The following PDHB variants were observed in gnomAD, a reference collection of about 807,000 sequenced individuals.
The protein encoded by PDHB is pyruvate dehydrogenase E1 subunit beta.
In PDHB, 17 loss-of-function variants were observed where a neutral mutation model predicts 42.8. The observed-to-expected ratio is 0.40, with a 90% confidence interval of 0.27 to 0.60. The LOEUF (loss-of-function observed/expected upper bound fraction) is 0.60, where lower values mean the gene tolerates loss of function less well. PDHB is among the 20% of genes least tolerant of loss of function. The probability of loss-of-function intolerance (pLI) is 0.46; values close to 1 mark genes in which losing one functional copy is unlikely to be tolerated. For synonymous variants in PDHB, 154 were observed against 148.7 expected (o/e 1.04, Z -0.26); for missense variants, 322 against 451.3 (o/e 0.71, Z 2.60).
In PDHB at chr3:58,427,671, C is replaced by A; in HGVS notation, c.*363G>T. On this transcript the variant is annotated 3_prime_UTR_variant, in exon 10 of 10. Coordinates refer to ENST00000302746, the MANE Select transcript of PDHB (RefSeq NM_000925.4). ...TTTATTCCTTATCAAAACAAACTAA[C>A]AGTAAATGTATATTATATGCTTTAA... 3 of 376,908 alleles carry A rather than the reference C, an allele frequency of 8.0e-6. No homozygotes were observed. Among genetic ancestry groups the A allele is most frequent in the South Asian group, 2.0e-5 (1 of 50,380 alleles). 23.3% of individuals were successfully genotyped at this position (376,908 alleles called of 1,614,324 possible).
intron 2 of PDHB, chr3:58,433,113 C>A: frequency 5.6e-6 from 1 of 178,578 alleles, no homozygotes; most frequent in South Asian, 1.2e-4. Context: ...CACAAAAGGA[C>A]AAATGATGCC....
In PDHB at chr3:58,428,566, C is replaced by A. The variant is rs148957406; in HGVS notation, c.841G>T (p.Ala281Ser). ...AGATGATTTGTCTTCATGACACTGG[C>A]TTCTATGGTTTCCATGTCCATTGGT... is the stretch of plus-strand genomic sequence containing the variant. ...IRPMDMETIE[A>S]SVMKTNHLVT... The change falls in exon 9 of 10, where the codon GCC becomes TCC. Residue 281 changes from alanine to serine, a missense_variant. Ala to Ser is a moderately conservative substitution (Grantham distance 99). Coordinates refer to ENST00000302746, the MANE Select transcript of PDHB (RefSeq NM_000925.4). 4.8e-5 allele frequency: 77 copies of A among 1,613,644 alleles called. No homozygotes were observed. The East Asian group carries it at 1.7e-3, about 35-fold the overall frequency.
intron 8 of PDHB, among the ~76,000 whole-genome samples, chr3:58,428,989 G>C (rs1205232119): frequency 6.6e-6 from 1 of 152,098 alleles, no homozygotes; most frequent in Non-Finnish European, 1.5e-5. Context: ...GGAGTAGCTG[G>C]GATTACAGGC....
Position 58,431,551 on chromosome 3 carries a change from A to G in PDHB, c.303+42T>C, listed in dbSNP as rs374999276. On this transcript the variant is annotated intron_variant, in intron 5 of 9. Transcript: ENST00000302746. This position sits in a 1 kb window ranked among gnomAD's most constrained non-coding sequence, Gnocchi z 4.4. ...GTCTCAAAAGAAAAAAAAAGAAAAC[A>G]AGAAATGTCTTTGGATAAGTTTCAT... 2.0e-6 allele frequency: 3 copies of G among 1,513,588 alleles called. No individual in the cohort carries two copies. The highest frequency in any genetic ancestry group is 1.7e-5 in the Admixed American group (1 of 59,742). 93.8% of individuals were successfully genotyped at this position (1,513,588 alleles called of 1,614,324 possible).
intron 2 of PDHB, chr3:58,433,108 A>C: frequency 5.7e-6 from 1 of 176,272 alleles, no homozygotes. Context: ...CCAGACACAA[A>C]AGGACAAATG....
intron 2 of PDHB, 25 bp from the exon 3 acceptor site, chr3:58,432,009 C>T: frequency 6.7e-7 from 1 of 1,497,350 alleles, no homozygotes; most frequent in Non-Finnish European, 9.3e-7. Context: ...CAAAAACAGT[C>T]AATACAGAAT....
Position 58,431,067 on chromosome 3 carries a change from C to T in PDHB, c.304-125G>A, listed in dbSNP as rs936848852. ...ATTTTTTATTTTTATTTTTTATGGACAGGGTCTCACTGTCACCCATGCTGG... is the reference window on the plus strand; with the variant it reads ...ATTTTTTATTTTTATTTTTTATGGATAGGGTCTCACTGTCACCCATGCTGG... On this transcript the variant is annotated intron_variant, in intron 5 of 9. Coordinates refer to ENST00000302746, the MANE Select transcript of PDHB (RefSeq NM_000925.4). This position sits in a 1 kb window ranked among gnomAD's most constrained non-coding sequence, Gnocchi z 4.4. 7.1e-6 allele frequency: 7 copies of T among 986,902 alleles called. No homozygotes were observed. The highest frequency in any genetic ancestry group is 9.3e-6 in the Non-Finnish European group (6 of 641,940). 61.1% of individuals were successfully genotyped at this position (986,902 alleles called of 1,614,324 possible). A position where few individuals can be genotyped will look rare whatever the true frequency, so the allele number is the denominator to read the frequency against.
chr3:58,429,791 T>C lies in PDHB; in HGVS notation c.709A>G (p.Ile237Val), dbSNP rs753206504. Residue 237 changes from isoleucine to valine, a missense_variant, in exon 8 of 10, where the codon ATA becomes GTA. By Grantham distance (29) the Ile-to-Val change is conservative. Transcript: ENST00000302746. ...KAKIERQGTH[I>V]TVVSHSRPVG... ...GGTCTTGAATGGGAAACCACAGTTATATGTGTTCCTGAAAACAGAGTGGTC... is the reference window on the plus strand; with the variant it reads ...GGTCTTGAATGGGAAACCACAGTTACATGTGTTCCTGAAAACAGAGTGGTC... The C allele has an allele frequency of 6.2e-6, 10 of 1,600,786 alleles. No individual in the cohort carries two copies. The highest frequency in any genetic ancestry group is 2.2e-5 in the South Asian group (2 of 90,842).
Position 58,430,805 on chromosome 3 carries a change from G to A in PDHB, c.441C>T (p.Pro147=). Residue 147 remains proline (P), a synonymous_variant, in exon 6 of 10, where the codon CCC becomes CCT. Transcript: ENST00000302746. ...LQPVPIVFRG[P]NGASAGVAAQ... The stretch of plus-strand genomic sequence containing the variant: ...CAGCTACACCTGCTGAGGCACCATT[G>A]GGCCCTCTGAAGACTATAGGCACAG... 2 of 1,614,172 alleles carry A rather than the reference G, an allele frequency of 1.2e-6. No homozygotes were observed. Among genetic ancestry groups the A allele is most frequent in the Non-Finnish European group, 1.7e-6 (2 of 1,179,996 alleles).
At position 58,433,616 on chromosome 3, in the gene PDHB, A is replaced by C. The variant is rs1227491179; in HGVS notation, c.96+15T>G. ...CCCTCCCCGCCCTCGTCCGACGAGCACCCGCGCCTGTTACCTGCAGCGCAG... is the reference window on the plus strand; with the variant it reads ...CCCTCCCCGCCCTCGTCCGACGAGCCCCCGCGCCTGTTACCTGCAGCGCAG... On this transcript the variant is annotated intron_variant, in intron 2 of 9. Transcript: ENST00000302746. 6.2e-7 allele frequency: 1 copy of C among 1,606,596 alleles called. No homozygotes were observed. The highest frequency in any genetic ancestry group is 8.5e-7 in the Non-Finnish European group (1 of 1,177,736).
rs1443227017 is a variant in PDHB, at chr3:58,433,810, C to T, written c.-1G>A. On this transcript the variant is annotated 5_prime_UTR_variant, in exon 1 of 10. Transcript: ENST00000302746. ...GCACCAAGCCAGACACCGCCGCCAT[C>T]TTGGTCGTGTCCTCTATCCGCTGCC... is the stretch of plus-strand genomic sequence containing the variant. The T allele has an allele frequency of 1.2e-6, 2 of 1,610,952 alleles. No individual in the cohort carries two copies. The highest frequency in any genetic ancestry group is 1.1e-5 in the South Asian group (1 of 90,614).
rs1396095575 is a variant in PDHB, at chr3:58,433,830, G to A, written c.-21C>T. 5 of 1,606,590 alleles carry A rather than the reference G, an allele frequency of 3.1e-6. No individual in the cohort carries two copies. The highest frequency in any genetic ancestry group is 2.5e-6 in the Non-Finnish European group (3 of 1,177,402). On this transcript the variant is annotated 5_prime_UTR_variant, in exon 1 of 10. Coordinates refer to ENST00000302746, the MANE Select transcript of PDHB (RefSeq NM_000925.4). ...GCCATCTTGGTCGTGTCCTCTATCC[G>A]CTGCCAAACGACAACAGAGGGGCCG...
At chr3:58,430,082 G>T (rs758817438) in intron 7 of PDHB, 46 bp downstream of exon 7, 2 of 1,170,012 alleles carry the variant, frequency 1.7e-6, no homozygotes, top group Non-Finnish European at 2.6e-6. Flanking sequence ...TACCAAAATT[G>T]AGGGGCTGGA....
chr3:58,427,726 T>C lies in PDHB; in HGVS notation c.*308A>G, dbSNP rs2062880800. On this transcript the variant is annotated 3_prime_UTR_variant, in exon 10 of 10. Transcript: ENST00000302746. ...ATACATATAAGTTATCTTGTTTGGA[T>C]ACATCTTTCATGAGGACTCTGCCAC... The C allele has an allele frequency of 4.1e-6, 2 of 482,914 alleles. No individual in the cohort carries two copies. Among genetic ancestry groups the C allele is most frequent in the South Asian group, 1.6e-5 (1 of 63,716 alleles). 29.9% of individuals were successfully genotyped at this position (482,914 alleles called of 1,614,324 possible).
At chr3:58,433,209 G>C in intron 2 of PDHB, 2 of 261,220 alleles carry the variant, frequency 7.7e-6, no homozygotes, top group South Asian at 9.3e-5. Context: ...AGGGAAATGA[G>C]GAGTTACCGA....
chr3:58,428,738 A>G (rs2062894918), intron 8 of PDHB, 124 bp from the exon 9 acceptor site: 6 of 825,354 alleles, frequency 7.3e-6, no homozygotes, highest in Non-Finnish European at 9.9e-6. Context: ...TAATCTGCCT[A>G]TGAATACCTA....
chr3:58,428,233 A>G (rs1263251413), intron 9 of PDHB, 54 bp from the exon 10 acceptor site: 1 of 1,541,142 alleles, frequency 6.5e-7, no homozygotes, highest in East Asian at 2.2e-5. Flanking sequence ...GGGCACTACC[A>G]CCTTGGCACA....
Position 58,427,795 on chromosome 3 carries a change from TA to T in PDHB, c.*238del. On this transcript the variant is annotated 3_prime_UTR_variant, in exon 10 of 10. Transcript: ENST00000302746. ...TGGTGAGAGAGGATAAAATGTTATA[TA>T]ATTTGTTATTCAAAGAACATGGCAA... 1 of 577,570 alleles carries T rather than the reference TA, an allele frequency of 1.7e-6. No homozygotes were observed. Among genetic ancestry groups the T allele is most frequent in the South Asian group, 1.5e-5 (1 of 65,594 alleles). The allele number at this position is 577,570 out of a possible 1,614,324, so 35.8% of individuals were successfully genotyped here.
At position 58,427,845 on chromosome 3, in the gene PDHB, G is replaced by A; in HGVS notation, c.*189C>T. The stretch of plus-strand genomic sequence containing the variant: ...AACCGTAACAGACAAAAGGAAGCAT[G>A]GCATCTAGGGGAGGAGAGTGGAGAG... On this transcript the variant is annotated 3_prime_UTR_variant, in exon 10 of 10. Coordinates refer to ENST00000302746, the MANE Select transcript of PDHB (RefSeq NM_000925.4). 1 of 659,760 alleles carries A rather than the reference G, an allele frequency of 1.5e-6. No individual in the cohort carries two copies. Among genetic ancestry groups the A allele is most frequent in the Non-Finnish European group, 2.8e-6 (1 of 360,204 alleles). The allele number at this position is 659,760 out of a possible 1,614,324, so 40.9% of individuals were successfully genotyped here.
Sources: allele counts gnomAD v4.1 joint callset (sites outside exome capture counted in the v4.1 genomes callset), GRCh38; gene constraint gnomAD v4.1.1; non-coding constraint Gnocchi (gnomAD v3.1); transcripts MANE v1.5; gene names NCBI Gene and HGNC (gene_info 2026-07-23, HGNC 2026-07-21).